Variants in RNF121 observed in about 807,000 individuals in gnomAD.
RNF121 encodes ring finger protein 121.
RNF121 carries 21 observed loss-of-function variants against 46.5 expected under a neutral mutation model. That is an observed-to-expected ratio of 0.45 (90% CI 0.32 to 0.65). RNF121 has a LOEUF of 0.65. RNF121 is among the 30% of genes least tolerant of loss of function. RNF121 has a pLI of 0.04. For missense variants in RNF121, 346 were observed against 416.0 expected (o/e 0.83, Z 1.46); for synonymous variants, 139 against 144.7 (o/e 0.96, Z 0.28).
chr11:71,961,637 A>G (rs1954136370), intron 3 of RNF121, among the ~76,000 whole-genome samples: 1 of 152,190 alleles, frequency 6.6e-6, no homozygotes, highest in Non-Finnish European at 1.5e-5. Context: ...AAATAGCAAA[A>G]TGGCAGAAGT....
chr11:71,993,150 A>T (rs1954898258), intron 6 of RNF121, among the ~76,000 whole-genome samples: 1 of 152,164 alleles, frequency 6.6e-6, no homozygotes, highest in Non-Finnish European at 1.5e-5. Flanking sequence ...CTTGTGCTTT[A>T]CCTTCATTTC....
In RNF121 at chr11:71,960,789, T is replaced by C; in HGVS notation, c.141T>C (p.His47=). The change falls in exon 3 of 9, where the codon CAT becomes CAC. Residue 47 remains histidine (H), a synonymous_variant. Transcript: ENST00000361756. ...GCATGCATGCCAAGCACCGTGGCCA[T>C]GAAGCTATGCATGCTGAAATGGTCC... ...HARMHAKHRG[H]EAMHAEMVLI... 4 of 1,614,164 alleles carry C rather than the reference T, an allele frequency of 2.5e-6. No homozygotes were observed. The highest frequency in any genetic ancestry group is 3.4e-6 in the Non-Finnish European group (4 of 1,180,004).
chr11:71,972,264 G>A (rs931611666), intron 3 of RNF121, among the ~76,000 whole-genome samples: 1 of 152,150 alleles, frequency 6.6e-6, no homozygotes, highest in South Asian at 2.1e-4. Flanking sequence ...TAATAAAAGA[G>A]AATCAGGAAG....
intron 7 of RNF121, 61 bp from the exon 8 acceptor site, chr11:71,995,389 A>G (rs1954953812): frequency 7.4e-7 from 1 of 1,344,966 alleles, no homozygotes; most frequent in Non-Finnish European, 1.0e-6. Context: ...CCTTTCAAAG[A>G]CTGTCTGGGG....
intron 4 of RNF121, among the ~76,000 whole-genome samples, chr11:71,985,332 G>A (rs1954751791): frequency 6.6e-6 from 1 of 152,060 alleles, no homozygotes; most frequent in African/African-American, 2.4e-5. Flanking sequence ...AAGGTAGCAG[G>A]GTTTTCCTGT....
At chr11:71,990,245 A>C (rs920853067) in intron 5 of RNF121, among the ~76,000 whole-genome samples, 1 of 152,176 alleles carries the variant, frequency 6.6e-6, no homozygotes. Flanking sequence ...TCCAGAAGTT[A>C]CCAACAGTGG....
intron 1 of RNF121, among the ~76,000 whole-genome samples, chr11:71,933,255 T>C (rs1953318566): frequency 6.6e-6 from 1 of 152,206 alleles, no homozygotes; most frequent in Non-Finnish European, 1.5e-5. Context: ...GGCTAGTGCC[T>C]GTGAATCTGG....
At chr11:71,986,501 C>T (rs1157229041) in intron 4 of RNF121, among the ~76,000 whole-genome samples, 2 of 152,088 alleles carry the variant, frequency 1.3e-5, no homozygotes, top group African/African-American at 4.8e-5. Context: ...GGTGTGGTGG[C>T]TCACGCCTAT....
intron 3 of RNF121, among the ~76,000 whole-genome samples, chr11:71,970,840 C>T (rs2134189906): frequency 1.3e-5 from 2 of 152,118 alleles, no homozygotes; most frequent in East Asian, 3.9e-4. Flanking sequence ...TGCCTTAAGA[C>T]ACACTATAAG....
chr11:71,996,134 C>T, intron 8 of RNF121, 61 bp from the exon 9 acceptor site: 2 of 1,600,578 alleles, frequency 1.2e-6, no homozygotes, highest in Non-Finnish European at 8.5e-7. Flanking sequence ...GCCCCACCAC[C>T]CATGCTAGAT....
chr11:71,983,343 C>CT (rs1281346190), intron 4 of RNF121, among the ~76,000 whole-genome samples: 3 of 152,224 alleles, frequency 2.0e-5, no homozygotes, highest in East Asian at 1.9e-4. Context: ...TCACTAAACT[C>CT]TAACTCTGGG....
At chr11:71,993,808 A>G (rs1342968287) in intron 6 of RNF121, among the ~76,000 whole-genome samples, 3 of 148,256 alleles carry the variant, frequency 2.0e-5, no homozygotes, top group African/African-American at 7.4e-5. Flanking sequence ...TTAAGTGAAT[A>G]TCTGTATTCA....
At chr11:71,972,687 C>A (rs1954443790) in intron 3 of RNF121, among the ~76,000 whole-genome samples, 1 of 152,068 alleles carries the variant, frequency 6.6e-6, no homozygotes, top group Non-Finnish European at 1.5e-5. Flanking sequence ...GCACTTGTAA[C>A]AACCAGATGT....
intron 1 of RNF121, among the ~76,000 whole-genome samples, chr11:71,942,803 T>TAC (rs141356177): frequency 1.4e-4 from 21 of 147,582 alleles, no homozygotes; most frequent in East Asian, 1.0e-3. Flanking sequence ...TATATATATG[T>TAC]ACACACACAC....
chr11:71,967,150 C>T (rs1192790298), intron 3 of RNF121, among the ~76,000 whole-genome samples: 5 of 150,562 alleles, frequency 3.3e-5, no homozygotes, highest in East Asian at 1.9e-4. Context: ...GGATTACAGG[C>T]GTGAGCCACC....
chr11:71,960,064 C>T (rs1954093837), intron 2 of RNF121, among the ~76,000 whole-genome samples: 1 of 152,176 alleles, frequency 6.6e-6, no homozygotes, highest in South Asian at 2.1e-4. Flanking sequence ...TTAAGACCAG[C>T]GAATGCCAGC....
chr11:71,973,643 C>T (rs767048878), intron 3 of RNF121, among the ~76,000 whole-genome samples: 14 of 151,940 alleles, frequency 9.2e-5, no homozygotes, highest in South Asian at 2.1e-4. Context: ...AAAAATTAGC[C>T]GGATGTGGTG....
chr11:71,993,431 A>G (rs948869485), intron 6 of RNF121, among the ~76,000 whole-genome samples: 2 of 151,562 alleles, frequency 1.3e-5, no homozygotes, highest in African/African-American at 4.9e-5. Flanking sequence ...GAACATGCCT[A>G]TTGTAGATAT....
chr11:71,932,425 G>T (rs995453801), intron 1 of RNF121, among the ~76,000 whole-genome samples: 6 of 152,224 alleles, frequency 3.9e-5, no homozygotes, highest in African/African-American at 1.4e-4. Flanking sequence ...CTTAGCCCAT[G>T]CTATACTGAG....
Sources: allele counts gnomAD v4.1 joint callset (sites outside exome capture counted in the v4.1 genomes callset), GRCh38; gene constraint gnomAD v4.1.1; transcripts MANE v1.5; gene names NCBI Gene and HGNC (gene_info 2026-07-23, HGNC 2026-07-21).